The following ADGRB3 variants were observed in gnomAD, a reference collection of about 807,000 sequenced individuals.
ADGRB3 encodes the protein brain-specific angiogenesis inhibitor 3.
A neutral mutation model predicts 193.4 loss-of-function variants in ADGRB3; 37 were observed. The observed-to-expected ratio is 0.19, with a 90% CI of 0.15 to 0.25. The LOEUF is 0.25. ADGRB3 is among the 10% of genes least tolerant of loss of function. ADGRB3 has a pLI of 1.00. For missense variants in ADGRB3, 1,637 were observed against 1,852.9 expected, an observed-to-expected ratio of 0.88 and a Z score of 2.14; for synonymous variants, 690 against 644.2, an observed-to-expected ratio of 1.07 and a Z score of -1.08.
At chr6:69,230,673 T>C (rs908358639) in intron 17 of ADGRB3, among the ~76,000 whole-genome samples, 1 of 152,234 alleles carries the variant, frequency 6.6e-6, no homozygotes, top group African/African-American at 2.4e-5. Flanking sequence ...TGAAACAATA[T>C]AAATTTTATC....
rs149655732 is a variant in ADGRB3, at chr6:68,985,344, CTG to C, written c.1735-8421_1735-8420del. On this transcript the variant is annotated intron_variant, in intron 10 of 31. Coordinates refer to ENST00000370598, the MANE Select transcript of ADGRB3 (RefSeq NM_001704.3). ...ACTGCACATTAAAGTTTGAGAAACA[CTG>C]TGGTAGATTTTATCCAGCGTTGATA... 2.7e-3 allele frequency among the ~76,000 whole-genome samples: 410 copies of C among 152,254 alleles called. 2 individuals carry two copies. Among genetic ancestry groups the C allele is most frequent in the African/African-American group, 9.4e-3 (390 of 41,560 alleles).
chr6:69,140,574 T>G (rs1017374819), intron 17 of ADGRB3, among the ~76,000 whole-genome samples: 1 of 152,034 alleles, frequency 6.6e-6, no homozygotes, highest in Non-Finnish European at 1.5e-5. Context: ...ATGAATAAGA[T>G]CTAGCATTTA....
chr6:69,181,129 CAG>C (rs1283466456), intron 17 of ADGRB3, among the ~76,000 whole-genome samples: 2 of 152,178 alleles, frequency 1.3e-5, no homozygotes, highest in African/African-American at 4.8e-5. Context: ...GACGCCATCA[CAG>C]GGGCTGTTTG....
intron 3 of ADGRB3, among the ~76,000 whole-genome samples, chr6:68,757,566 C>T (rs1015050385): frequency 6.6e-6 from 1 of 151,916 alleles, no homozygotes; most frequent in African/African-American, 2.4e-5. Flanking sequence ...CTTTTAATGA[C>T]ACAGTTTCAT....
intron 26 of ADGRB3, among the ~76,000 whole-genome samples, chr6:69,346,112 A>G (rs1769082533): frequency 6.6e-6 from 1 of 152,238 alleles, no homozygotes; most frequent in Non-Finnish European, 1.5e-5. Flanking sequence ...AAACAAATGG[A>G]AAAACATTCC....
chr6:68,826,409 T>A (rs749622947), intron 3 of ADGRB3, among the ~76,000 whole-genome samples: 1 of 152,116 alleles, frequency 6.6e-6, no homozygotes, highest in Non-Finnish European at 1.5e-5. Flanking sequence ...AGGGTATAGA[T>A]AAATAAAAGC....
intron 3 of ADGRB3, among the ~76,000 whole-genome samples, chr6:68,721,194 C>G (rs551340073): frequency 3.4e-4 from 51 of 151,866 alleles, no homozygotes; most frequent in African/African-American, 1.2e-3. Flanking sequence ...TATTGTGGCA[C>G]CACTCACAAT....
At chr6:68,831,850 A>G (rs1353806943) in intron 3 of ADGRB3, among the ~76,000 whole-genome samples, 1 of 152,202 alleles carries the variant, frequency 6.6e-6, no homozygotes, top group Admixed American at 6.5e-5. Flanking sequence ...TCCTTCCTTC[A>G]TTAGAGTGGC....
Position 69,354,224 on chromosome 6 carries a change from T to G in ADGRB3, c.3460-9T>G. ...GAGAAGAAAATTAATGTGTTCCCCC[T>G]CCCCACAGGTTCAGGATGCATTTAG... On this transcript the variant is annotated splice_polypyrimidine_tract_variant and intron_variant, in intron 26 of 31. Coordinates refer to ENST00000370598, the MANE Select transcript of ADGRB3 (RefSeq NM_001704.3). 1 of 1,605,810 alleles carries G rather than the reference T, an allele frequency of 6.2e-7. No individual in the cohort carries two copies. The highest frequency in any genetic ancestry group is 8.5e-7 in the Non-Finnish European group (1 of 1,172,568).
chr6:68,849,144 G>T (rs1270842195), intron 3 of ADGRB3, among the ~76,000 whole-genome samples: 2 of 151,888 alleles, frequency 1.3e-5, no homozygotes, highest in Non-Finnish European at 2.9e-5. Flanking sequence ...GGTGAGAAAT[G>T]GTTCTTGAAT....
intron 3 of ADGRB3, among the ~76,000 whole-genome samples, chr6:68,844,837 G>A (rs1582248340): frequency 6.6e-6 from 1 of 152,076 alleles, no homozygotes; most frequent in South Asian, 2.1e-4. Context: ...TGGAACTGGA[G>A]GTCATTAGGT....
intron 3 of ADGRB3, among the ~76,000 whole-genome samples, chr6:68,869,914 G>T (rs950689119): frequency 2.0e-5 from 3 of 152,128 alleles, no homozygotes; most frequent in Non-Finnish European, 4.4e-5. Context: ...CAGTAGCTGG[G>T]ATTATAGGCA....
intron 3 of ADGRB3, among the ~76,000 whole-genome samples, chr6:68,732,743 T>C (rs766838299): frequency 2.0e-5 from 3 of 151,970 alleles, no homozygotes; most frequent in Non-Finnish European, 4.4e-5. Context: ...CCTATCATGA[T>C]ATTGGGATTT....
chr6:69,212,245 C>T (rs562099734), intron 17 of ADGRB3, among the ~76,000 whole-genome samples: 16 of 152,184 alleles, frequency 1.1e-4, no homozygotes, highest in African/African-American at 3.9e-4. Flanking sequence ...TAATATTGCC[C>T]TCTAATTAGC....
intron 3 of ADGRB3, among the ~76,000 whole-genome samples, chr6:68,647,826 C>G (rs1768251565): frequency 6.6e-6 from 1 of 152,024 alleles, no homozygotes; most frequent in South Asian, 2.1e-4. Context: ...AAATGCTAGT[C>G]CATATTTAAA....
chr6:69,224,500 T>C lies in ADGRB3; in HGVS notation c.2481-8790T>C, dbSNP rs372457048. ...AAACAGAATGAATTATTTTATGGCTTTTAGATTAACAAATGATCAATGTTC... is the reference window on the plus strand; with the variant it reads ...AAACAGAATGAATTATTTTATGGCTCTTAGATTAACAAATGATCAATGTTC... On this transcript the variant is annotated intron_variant, in intron 17 of 31. Transcript: ENST00000370598. 5.3e-5 allele frequency among the ~76,000 whole-genome samples: 8 copies of C among 152,194 alleles called. No individual in the cohort carries two copies. In the East Asian group the frequency reaches 9.6e-4, roughly 18 times the overall value.
At chr6:68,841,932 A>G (rs991720553) in intron 3 of ADGRB3, among the ~76,000 whole-genome samples, 5 of 151,992 alleles carry the variant, frequency 3.3e-5, no homozygotes, top group Non-Finnish European at 7.4e-5. Flanking sequence ...AATAGGAAAA[A>G]CAAATGACAC....
chr6:69,289,222 T>C (rs1767615421), intron 20 of ADGRB3, among the ~76,000 whole-genome samples: 1 of 152,192 alleles, frequency 6.6e-6, no homozygotes, highest in Non-Finnish European at 1.5e-5. Flanking sequence ...TTTGAAGTGT[T>C]AGAGTCTTGA....
chr6:68,848,249 C>T (rs1020735990), intron 3 of ADGRB3, among the ~76,000 whole-genome samples: 5 of 151,972 alleles, frequency 3.3e-5, no homozygotes, highest in African/African-American at 1.2e-4. Context: ...GTTATTCAGT[C>T]CAATGATCTA....
Sources: allele counts gnomAD v4.1 joint callset (sites outside exome capture counted in the v4.1 genomes callset), GRCh38; gene constraint gnomAD v4.1.1; transcripts MANE v1.5; gene names NCBI Gene and HGNC (gene_info 2026-07-23, HGNC 2026-07-21).